The following ETV5 variants were observed in gnomAD, a reference collection of about 807,000 sequenced individuals.
The protein encoded by ETV5 is ETS translocation variant 5.
A neutral mutation model predicts 70.0 loss-of-function variants in ETV5; 10 were observed. The observed-to-expected ratio is 0.14, with a 90% CI of 0.09 to 0.24. The LOEUF (loss-of-function observed/expected upper bound fraction) is 0.24, where lower values mean the gene tolerates loss of function less well. Ranked by LOEUF, ETV5 falls within the 10% of genes least tolerant of loss-of-function variation. ETV5 has a pLI of 1.00. For missense variants in ETV5, 453 were observed against 651.2 expected (o/e 0.70, Z 3.31); for synonymous variants, 216 against 242.2 (o/e 0.89, Z 1.01).
chr3:186,101,452 T>C (rs1435330482), intron 5 of ETV5, among the ~76,000 whole-genome samples: 1 of 145,260 alleles, frequency 6.9e-6, no homozygotes, highest in African/African-American at 2.4e-5. Context: ...AATATGTCAG[T>C]TTTTTATAAT....
chr3:186,092,760 C>T (rs1415038813), intron 5 of ETV5, among the ~76,000 whole-genome samples: 3 of 152,096 alleles, frequency 2.0e-5, no homozygotes, highest in East Asian at 1.9e-4. Context: ...AAATAGATGA[C>T]GGAACTGGTA....
At position 186,048,250 on chromosome 3, in the gene ETV5, C is replaced by T. The variant is rs762753585; in HGVS notation, c.*389G>A. ...TTCAACAAATTGTGCAAATCAGAGC[C>T]CTTCTATGTAAAGGCATTTAGTAGT... On this transcript the variant is annotated 3_prime_UTR_variant, in exon 13 of 13. Coordinates refer to ENST00000306376, the MANE Select transcript of ETV5 (RefSeq NM_004454.3). The T allele has an allele frequency of 7.5e-6, 2 of 265,416 alleles. No individual in the cohort carries two copies. Among genetic ancestry groups the T allele is most frequent in the South Asian group, 1.1e-4 (1 of 8,978 alleles). The allele number at this position is 265,416 out of a possible 1,614,324, so 16.4% of individuals were successfully genotyped here. A position where few individuals can be genotyped will look rare whatever the true frequency, so the allele number is the denominator to read the frequency against.
At chr3:186,051,969 G>C in intron 12 of ETV5, 61 bp downstream of exon 12, 3 of 1,524,212 alleles carry the variant, frequency 2.0e-6, no homozygotes, top group Non-Finnish European at 2.7e-6. Context: ...CACTACAGAA[G>C]CCCTGGACTT....
chr3:186,061,936 A>G (rs1386489536), intron 9 of ETV5, among the ~76,000 whole-genome samples: 1 of 152,228 alleles, frequency 6.6e-6, no homozygotes, highest in Admixed American at 6.5e-5. Context: ...ACAATGTACT[A>G]AAAACAACAA....
chr3:186,098,270 G>A (rs755154982), intron 5 of ETV5, among the ~76,000 whole-genome samples: 1 of 152,204 alleles, frequency 6.6e-6, no homozygotes, highest in Non-Finnish European at 1.5e-5. Context: ...TACCAGCGGA[G>A]AGAAACAGAC....
At chr3:186,081,205 T>C (rs1409919046) in intron 5 of ETV5, 30 bp from the exon 6 acceptor site, 4 of 1,596,944 alleles carry the variant, frequency 2.5e-6, no homozygotes, top group South Asian at 2.2e-5. Context: ...GAGAGGGGAA[T>C]AGAGAGAGAA....
At chr3:186,053,346 C>T (rs550274644) in intron 11 of ETV5, among the ~76,000 whole-genome samples, 1 of 152,236 alleles carries the variant, frequency 6.6e-6, no homozygotes, top group Non-Finnish European at 1.5e-5. Flanking sequence ...AAGTGACCCA[C>T]CTGCCTCAGC....
intron 5 of ETV5, among the ~76,000 whole-genome samples, chr3:186,081,503 G>A (rs1713933879): frequency 6.6e-6 from 1 of 152,166 alleles, no homozygotes; most frequent in African/African-American, 2.4e-5. Context: ...AAAAATGCAA[G>A]TGGCTGCAGA....
At chr3:186,074,910 A>G (rs1438373306) in intron 7 of ETV5, among the ~76,000 whole-genome samples, 1 of 151,890 alleles carries the variant, frequency 6.6e-6, no homozygotes, top group African/African-American at 2.4e-5. Flanking sequence ...TTGTCACAAG[A>G]ATGCAAGGTT....
At chr3:186,098,844 T>C (rs1479178726) in intron 5 of ETV5, among the ~76,000 whole-genome samples, 1 of 152,204 alleles carries the variant, frequency 6.6e-6, no homozygotes, top group Non-Finnish European at 1.5e-5. Context: ...GTCTTATGTA[T>C]GCTTCTTCTC....
intron 11 of ETV5, among the ~76,000 whole-genome samples, chr3:186,053,338 G>A (rs1713078862): frequency 6.6e-6 from 1 of 152,184 alleles, no homozygotes; most frequent in African/African-American, 2.4e-5. Context: ...CTGACCTCAA[G>A]TGACCCACCT....
intron 5 of ETV5, among the ~76,000 whole-genome samples, chr3:186,099,637 T>G (rs1714402553): frequency 6.6e-6 from 1 of 152,156 alleles, no homozygotes; most frequent in African/African-American, 2.4e-5. Flanking sequence ...AAGAAACATT[T>G]TTTTCTAGGG....
In ETV5 at chr3:186,052,412, C is replaced by T. The variant is rs1260358192; in HGVS notation, c.1210-281G>A. On this transcript the variant is annotated intron_variant, in intron 11 of 12. Transcript: ENST00000306376. This position sits in a 1 kb window ranked among gnomAD's most constrained non-coding sequence, Gnocchi z 4.5. ...CATCCCAGAGGATGCAGGCCCTCTACTATTTCTCCACGTATGAATTATTGA... is the reference window on the plus strand; with the variant it reads ...CATCCCAGAGGATGCAGGCCCTCTATTATTTCTCCACGTATGAATTATTGA... Among the ~76,000 whole-genome samples the T allele has an allele frequency of 6.6e-6, 1 of 152,220 alleles. No individual in the cohort carries two copies. The highest frequency in any genetic ancestry group is 1.5e-5 in the Non-Finnish European group (1 of 68,042).
Position 186,054,573 on chromosome 3 carries a change from G to C in ETV5, c.1210-2442C>G, listed in dbSNP as rs1266322373. On this transcript the variant is annotated intron_variant, in intron 11 of 12. Transcript: ENST00000306376. This position sits in a 1 kb window ranked among gnomAD's most constrained non-coding sequence, Gnocchi z 4.4. ...ACTATCAAAAGACATTTGATTAGGG[G>C]GCCTGCCAAAACGCAGTTCTAAAAC... 6.6e-6 allele frequency among the ~76,000 whole-genome samples: 1 copy of C among 152,090 alleles called. No homozygotes were observed. The highest frequency in any genetic ancestry group is 1.5e-5 in the Non-Finnish European group (1 of 68,028).
At chr3:186,085,950 T>C (rs1231219869) in intron 5 of ETV5, among the ~76,000 whole-genome samples, 1 of 152,190 alleles carries the variant, frequency 6.6e-6, no homozygotes. Context: ...GCATCTTCTA[T>C]AGCCAGTCAC....
At chr3:186,108,369 G>A in intron 1 of ETV5, 1 of 586,146 alleles carries the variant, frequency 1.7e-6, no homozygotes, top group South Asian at 1.5e-5. Context: ...TGGGAGCAGG[G>A]CGACTGGATG....
Position 186,065,917 on chromosome 3 carries a change from G to A in ETV5, c.806C>T (p.Pro269Leu), listed in dbSNP as rs866449390. 2.5e-6 allele frequency: 4 copies of A among 1,613,636 alleles called. No individual in the cohort carries two copies. The African/African-American group carries it at 4.0e-5, about 16-fold the overall frequency. The stretch of plus-strand genomic sequence containing the variant: ...GCCCGGGACCCCATGTTCATAGAGT[G>A]GGTCATGGTATTCTTGTTTGAATCC... ...PQGFKQEYHD[P>L]LYEHGVPGMP... Residue 269 changes from proline (P) to leucine (L), a missense_variant, in exon 8 of 13, where the codon CCA becomes CTA. Transcript: ENST00000306376.
chr3:186,105,422 G>A lies in ETV5; in HGVS notation c.181+27C>T. The A allele has an allele frequency of 6.2e-7, 1 of 1,613,224 alleles. No homozygotes were observed. Among genetic ancestry groups the A allele is most frequent in the South Asian group, 1.1e-5 (1 of 90,954 alleles). Reference sequence around the variant, plus strand: ...AAAAGCACAGTAAAATGTTTTATATGGAAAATAGGACATCCATGAAACTTG... The same window carrying A: ...AAAAGCACAGTAAAATGTTTTATATAGAAAATAGGACATCCATGAAACTTG... On this transcript the variant is annotated intron_variant, in intron 4 of 12. Coordinates refer to ENST00000306376, the MANE Select transcript of ETV5 (RefSeq NM_004454.3). This position sits in a 1 kb window ranked among gnomAD's most constrained non-coding sequence, Gnocchi z 4.5.
intron 7 of ETV5, among the ~76,000 whole-genome samples, chr3:186,067,693 T>A (rs1224010929): frequency 6.6e-6 from 1 of 151,598 alleles, no homozygotes; most frequent in Non-Finnish European, 1.5e-5. Context: ...AAAACCTAAG[T>A]ATCATACCAA....
Sources: allele counts gnomAD v4.1 joint callset (sites outside exome capture counted in the v4.1 genomes callset), GRCh38; gene constraint gnomAD v4.1.1; non-coding constraint Gnocchi (gnomAD v3.1); transcripts MANE v1.5; gene names NCBI Gene and HGNC (gene_info 2026-07-23, HGNC 2026-07-21).